MDGA2: variants seen among roughly 807,000 people sequenced by gnomAD.
MDGA2 encodes MAM domain containing glycosylphosphatidylinositol anchor 2.
In MDGA2, 40 loss-of-function variants were observed where a neutral mutation model predicts 117.8. The observed-to-expected ratio is 0.34, with a 90% CI of 0.26 to 0.44. The LOEUF is 0.44. Ranked by LOEUF, MDGA2 falls within the 20% of genes least tolerant of loss-of-function variation. The pLI is 1.00. For missense variants in MDGA2, 1,123 were observed against 1,250.6 expected, an observed-to-expected ratio of 0.90 and a Z score of 1.54; for synonymous variants, 452 against 439.0, an observed-to-expected ratio of 1.03 and a Z score of -0.37.
At chr14:47,066,868 C>A (rs947802423) in intron 6 of MDGA2, among the ~76,000 whole-genome samples, 4 of 151,852 alleles carry the variant, frequency 2.6e-5, no homozygotes, top group African/African-American at 9.7e-5. Flanking sequence ...CATGCCTGCA[C>A]TTTGGGAGGC....
chr14:47,555,630 G>A (rs1895668193), intron 1 of MDGA2, among the ~76,000 whole-genome samples: 1 of 152,040 alleles, frequency 6.6e-6, no homozygotes, highest in Non-Finnish European at 1.5e-5. Context: ...CACTGCAAGA[G>A]ACATTTTCCC....
At chr14:47,040,710 C>T (rs1285909551) in intron 7 of MDGA2, among the ~76,000 whole-genome samples, 1 of 152,150 alleles carries the variant, frequency 6.6e-6, no homozygotes, top group East Asian at 1.9e-4. Context: ...AATGTTATTC[C>T]CTTTGTAAAT....
intron 6 of MDGA2, among the ~76,000 whole-genome samples, chr14:47,094,109 G>C (rs1217386986): frequency 2.0e-5 from 3 of 149,588 alleles, no homozygotes; most frequent in Non-Finnish European, 4.5e-5. Flanking sequence ...TTATTGTAGT[G>C]GTTTTTCTCC....
intron 3 of MDGA2, among the ~76,000 whole-genome samples, chr14:47,176,354 G>A (rs565431625): frequency 6.6e-6 from 1 of 152,120 alleles, no homozygotes; most frequent in Non-Finnish European, 1.5e-5. Context: ...TCAATCCTAA[G>A]CCAAAAGAAC....
intron 6 of MDGA2, among the ~76,000 whole-genome samples, chr14:47,087,193 G>A (rs746511573): frequency 6.6e-6 from 1 of 152,012 alleles, no homozygotes. Flanking sequence ...AATGGGCATG[G>A]ATCACGGAGC....
chr14:46,996,540 A>G (rs1266086041), intron 8 of MDGA2: 1 of 152,586 alleles, frequency 6.6e-6, no homozygotes, highest in Non-Finnish European at 1.5e-5. Flanking sequence ...TCTGTACCAG[A>G]TCTCAGCGTC....
At chr14:47,523,834 T>C (rs1894919903) in intron 1 of MDGA2, among the ~76,000 whole-genome samples, 1 of 152,218 alleles carries the variant, frequency 6.6e-6, no homozygotes, top group Non-Finnish European at 1.5e-5. Flanking sequence ...AGTTTGTCAC[T>C]GAAACGAAAT....
chr14:47,161,894 T>A (rs1883649611), intron 3 of MDGA2, among the ~76,000 whole-genome samples: 1 of 148,252 alleles, frequency 6.7e-6, no homozygotes, highest in South Asian at 2.2e-4. Context: ...TTTATTCATA[T>A]CCATTAGATT....
intron 1 of MDGA2, among the ~76,000 whole-genome samples, chr14:47,392,191 T>C (rs1375654087): frequency 6.6e-6 from 1 of 152,074 alleles, no homozygotes; most frequent in East Asian, 1.9e-4. Context: ...ATAACATCGT[T>C]TAAGGTGAGG....
intron 9 of MDGA2, among the ~76,000 whole-genome samples, chr14:46,942,578 C>G (rs1309322043): frequency 1.3e-5 from 2 of 152,064 alleles, no homozygotes; most frequent in African/African-American, 4.8e-5. Context: ...CACCCTTGAC[C>G]CAGGCAAACA....
intron 3 of MDGA2, among the ~76,000 whole-genome samples, chr14:47,188,220 G>C (rs887751026): frequency 6.6e-6 from 1 of 152,068 alleles, no homozygotes; most frequent in Non-Finnish European, 1.5e-5. Context: ...ATGTGGGCTG[G>C]ACCTATTGAC....
At chr14:47,010,921 G>C (rs780428506) in intron 8 of MDGA2, among the ~76,000 whole-genome samples, 3 of 151,978 alleles carry the variant, frequency 2.0e-5, no homozygotes. Flanking sequence ...AGATGGACAT[G>C]AATTAATTAG....
At chr14:47,340,092 A>C (rs1045824280) in intron 1 of MDGA2, among the ~76,000 whole-genome samples, 9 of 152,150 alleles carry the variant, frequency 5.9e-5, no homozygotes, top group Non-Finnish European at 1.5e-5. Context: ...AGAAAGGAAA[A>C]ATAGCATTGC....
At chr14:47,607,772 G>T (rs1170123792) in intron 1 of MDGA2, among the ~76,000 whole-genome samples, 2 of 152,078 alleles carry the variant, frequency 1.3e-5, no homozygotes, top group Non-Finnish European at 2.9e-5. Flanking sequence ...TATAAAACTG[G>T]TTAATAAGCA....
At chr14:47,378,549 C>T (rs1279647126) in intron 1 of MDGA2, among the ~76,000 whole-genome samples, 2 of 152,070 alleles carry the variant, frequency 1.3e-5, no homozygotes, top group African/African-American at 4.8e-5. Context: ...AAAACCATGG[C>T]AGGAGAACTA....
intron 1 of MDGA2, among the ~76,000 whole-genome samples, chr14:47,528,411 A>T (rs1895018491): frequency 6.6e-6 from 1 of 152,236 alleles, no homozygotes; most frequent in African/African-American, 2.4e-5. Context: ...TCAAACAGTC[A>T]TCATACATAT....
At chr14:47,594,227 T>C (rs1248209132) in intron 1 of MDGA2, among the ~76,000 whole-genome samples, 1 of 152,094 alleles carries the variant, frequency 6.6e-6, no homozygotes, top group African/African-American at 2.4e-5. Context: ...AACATTAGAG[T>C]AGGTGGTCAT....
chr14:47,019,102 T>A (rs1314153689), intron 8 of MDGA2, among the ~76,000 whole-genome samples: 1 of 152,198 alleles, frequency 6.6e-6, no homozygotes, highest in African/African-American at 2.4e-5. Flanking sequence ...AAGTAAATAT[T>A]TATTGACTGA....
At chr14:47,116,865 A>C (rs998396128) in intron 5 of MDGA2, among the ~76,000 whole-genome samples, 2 of 152,036 alleles carry the variant, frequency 1.3e-5, no homozygotes, top group Non-Finnish European at 2.9e-5. Context: ...GATTTCATAG[A>C]TATAACACAA....
Sources: allele counts gnomAD v4.1 joint callset (sites outside exome capture counted in the v4.1 genomes callset), GRCh38; gene constraint gnomAD v4.1.1; transcripts MANE v1.5; gene names NCBI Gene and HGNC (gene_info 2026-07-23, HGNC 2026-07-21).